Variants in SNX15 observed in about 807,000 individuals in gnomAD.
SNX15 encodes the protein sorting nexin-15.
In SNX15, 29 loss-of-function variants were observed where a neutral mutation model predicts 35.2. The ratio of observed to expected loss-of-function variants is 0.82; its 90% CI spans 0.61 to 1.12. SNX15 has a LOEUF of 1.12. Among genes scored for constraint, SNX15 ranks in the 50% most tolerant of loss-of-function variants. SNX15 has a pLI of 0.00. For synonymous variants in SNX15, 189 were observed against 188.2 expected (o/e 1.00, Z -0.03); for missense variants, 400 against 451.5 (o/e 0.89, Z 1.03).
In SNX15 at chr11:65,038,588, C is replaced by T; in HGVS notation, c.681C>T (p.Ser227=). 6.4e-7 allele frequency: 1 copy of T among 1,568,026 alleles called. No individual in the cohort carries two copies. The highest frequency in any genetic ancestry group is 8.6e-7 in the Non-Finnish European group (1 of 1,156,754). ...PFSKEEGAAP[S]PTHVAELATM... is the part of the protein sequence containing the mutation. ...TAACTGCAGAAGGCGCAGCCCCCAG[C>T]CCCACCCATGTGGCTGAGCTGGCAA... Residue 227 remains serine, a synonymous_variant, in exon 7 of 8, where the codon AGC becomes AGT. Coordinates refer to ENST00000377244, the MANE Select transcript of SNX15 (RefSeq NM_013306.5).
chr11:65,035,621 A>C lies in SNX15; in HGVS notation c.622A>C (p.Thr208Pro). The change falls in exon 6 of 8, where the codon ACC (threonine) becomes CCC (proline). Residue 208 changes from threonine to proline, a missense_variant. Physicochemically the swap from Thr to Pro is conservative, Grantham distance 38 (BLOSUM62 -1). Coordinates refer to ENST00000377244, the MANE Select transcript of SNX15 (RefSeq NM_013306.5). ...ASGSPARGPL[T>P]EAELALFDPF... Reference sequence around the variant, plus strand: ...TGGTTCCCCTGCCCGAGGCCCCCTCACCGAGGCTGAGCTTGCCCTCTTCGA... The same window carrying C: ...TGGTTCCCCTGCCCGAGGCCCCCTCCCCGAGGCTGAGCTTGCCCTCTTCGA... 1 of 1,613,700 alleles carries C rather than the reference A, an allele frequency of 6.2e-7. No homozygotes were observed. The highest frequency in any genetic ancestry group is 8.5e-7 in the Non-Finnish European group (1 of 1,179,776).
chr11:65,038,805 C>CAGGG lies in SNX15; in HGVS notation c.899_900insGGGA (p.His300GlnfsTer11). ...ACTCCAGGGCTATCGAGACGGCGTG[C>CAGGG]ACGTCTTGCTTCAGGGAGTCCCCAG... On this transcript the variant is annotated frameshift_variant, in exon 7 of 8. Transcript: ENST00000377244. LOFTEE classifies it high-confidence loss of function. The CAGGG allele has an allele frequency of 6.3e-7, 1 of 1,591,906 alleles. No homozygotes were observed. The highest frequency in any genetic ancestry group is 2.3e-5 in the East Asian group (1 of 44,242).
At chr11:65,028,750 G>A (rs1946404116) in intron 1 of SNX15, among the ~76,000 whole-genome samples, 1 of 151,548 alleles carries the variant, frequency 6.6e-6, no homozygotes, top group South Asian at 2.1e-4. Flanking sequence ...CTGGAGGTGG[G>A]GCTGGGGTGG....
At chr11:65,034,751 A>C in intron 3 of SNX15, 96 bp from the exon 4 acceptor site, 1 of 875,564 alleles carries the variant, frequency 1.1e-6, no homozygotes, top group Non-Finnish European at 1.8e-6. Context: ...TGAGTTGCTC[A>C]GAGCATCTCA....
intron 1 of SNX15, 122 bp downstream of exon 1, chr11:65,027,758 A>AG: frequency 1.4e-6 from 1 of 728,610 alleles, no homozygotes. Context: ...TTCCCCTTTA[A>AG]GGGGAGGTTG....
Position 65,032,446 on chromosome 11 carries a change from CG to C in SNX15, c.153del (p.Tyr52ThrfsTer41). On this transcript the variant is annotated frameshift_variant, in exon 3 of 8. Transcript: ENST00000377244. LOFTEE classifies it high-confidence loss of function. The stretch of plus-strand genomic sequence containing the variant: ...TACCTCATAGGTGGTGGTCTGGAAG[CG>C]GTACAGCGACTTCCGCAAGCTGCAT... The part of the protein sequence containing the change: ...EDVKEVVVWK[R>X]YSDFRKLHGD... 1 of 1,614,132 alleles carries C rather than the reference CG, an allele frequency of 6.2e-7. No individual in the cohort carries two copies.
At chr11:65,032,602 A>G (rs777548079) in intron 3 of SNX15, 51 bp downstream of exon 3, 1 of 1,610,636 alleles carries the variant, frequency 6.2e-7, no homozygotes, top group Admixed American at 1.7e-5. Flanking sequence ...AGCATTGGGC[A>G]AAAGGGGACC....
chr11:65,029,910 G>A (rs960650914), intron 1 of SNX15, among the ~76,000 whole-genome samples: 5 of 151,964 alleles, frequency 3.3e-5, no homozygotes, highest in South Asian at 2.1e-4. Flanking sequence ...TATTTGCGAC[G>A]GGGTCTTGCT....
intron 7 of SNX15, among the ~76,000 whole-genome samples, chr11:65,039,455 C>T (rs923324537): frequency 6.6e-6 from 1 of 152,132 alleles, no homozygotes; most frequent in African/African-American, 2.4e-5. Context: ...AACCCCTGAC[C>T]TCGTGATCCA....
At chr11:65,027,785 T>A (rs1432723617) in intron 1 of SNX15, 149 bp downstream of exon 1, 1 of 626,328 alleles carries the variant, frequency 1.6e-6, no homozygotes, top group Non-Finnish European at 2.9e-6. Flanking sequence ...GAGGCTTAGT[T>A]TACATCTTTA....
At chr11:65,027,974 T>G (rs1415200783) in intron 1 of SNX15, among the ~76,000 whole-genome samples, 1 of 152,222 alleles carries the variant, frequency 6.6e-6, no homozygotes, top group Non-Finnish European at 1.5e-5. Flanking sequence ...AGTACTCCAT[T>G]CTCGTAGAGT....
rs190656204 is a variant in SNX15, at chr11:65,032,099, G to A, written c.100-69G>A. On this transcript the variant is annotated intron_variant, in intron 1 of 7. Coordinates refer to ENST00000377244, the MANE Select transcript of SNX15 (RefSeq NM_013306.5). ...TGAGGGGGACTAGGAGGCACCTGGG[G>A]CATTACAGGGTGAGAGGGTGTCAGA... The A allele has an allele frequency of 2.0e-6, 3 of 1,503,856 alleles. No individual in the cohort carries two copies. In the East Asian group the frequency reaches 6.8e-5, roughly 34 times the overall value. 93.2% of individuals were successfully genotyped at this position (1,503,856 alleles called of 1,614,324 possible).
chr11:65,031,790 G>A (rs970461875), intron 1 of SNX15, among the ~76,000 whole-genome samples: 1 of 152,126 alleles, frequency 6.6e-6, no homozygotes, highest in African/African-American at 2.4e-5. Flanking sequence ...GTAGCTTCTT[G>A]GGAGGCTGAG....
In SNX15 at chr11:65,040,204, T is replaced by C. The variant is rs1946566045; in HGVS notation, c.*412T>C. The stretch of plus-strand genomic sequence containing the variant: ...TTTCAGTAGGGACGGGGTTACACCA[T>C]GTTGGCCAGGCTGGTCTCGAACTCC... On this transcript the variant is annotated 3_prime_UTR_variant, in exon 8 of 8. Coordinates refer to ENST00000377244, the MANE Select transcript of SNX15 (RefSeq NM_013306.5). 6.1e-6 allele frequency: 1 copy of C among 164,496 alleles called. No individual in the cohort carries two copies. Among genetic ancestry groups the C allele is most frequent in the South Asian group, 1.4e-4 (1 of 7,102 alleles). 10.2% of individuals were successfully genotyped at this position (164,496 alleles called of 1,614,324 possible). A position where few individuals can be genotyped will look rare whatever the true frequency, so the allele number is the denominator to read the frequency against.
Position 65,035,166 on chromosome 11 carries a change from C to T in SNX15, c.480C>T (p.Leu160=). The T allele has an allele frequency of 1.3e-6, 2 of 1,590,474 alleles. No homozygotes were observed. Among genetic ancestry groups the T allele is most frequent in the Non-Finnish European group, 1.7e-6 (2 of 1,170,414 alleles). Residue 160 remains leucine (L), a synonymous_variant, in exon 5 of 8, where the codon CTC becomes CTT. Coordinates refer to ENST00000377244, the MANE Select transcript of SNX15 (RefSeq NM_013306.5). The part of the protein sequence containing the change: ...PPDDPRLSQL[L]PAERRGLEEL... ...ATGACCCCCGGCTATCCCAACTGCT[C>T]CCTGCAGAAAGGAGGGGCCTCGAGG...
In SNX15 at chr11:65,039,795, G is replaced by C. The variant is rs1946559066; in HGVS notation, c.*3G>C. On this transcript the variant is annotated 3_prime_UTR_variant, in exon 8 of 8. Transcript: ENST00000377244. ...ACCTGTCTCAACTCCCACCCTAACA[G>C]GGAGTGGGCCATTCCCTGGGACTCT... The C allele has an allele frequency of 6.2e-7, 1 of 1,601,164 alleles. No homozygotes were observed. The highest frequency in any genetic ancestry group is 1.7e-5 in the Admixed American group (1 of 59,256).
At chr11:65,029,142 C>T (rs1946410274) in intron 1 of SNX15, among the ~76,000 whole-genome samples, 1 of 145,032 alleles carries the variant, frequency 6.9e-6, no homozygotes, top group South Asian at 2.4e-4. Context: ...TAAGTCTTCC[C>T]AGTGGCTTTT....
At chr11:65,035,032 C>T in intron 4 of SNX15, 27 bp from the exon 5 acceptor site, 1 of 1,613,842 alleles carries the variant, frequency 6.2e-7, no homozygotes, top group Non-Finnish European at 8.5e-7. Context: ...CCCATGACTC[C>T]CCATGTCTGA....
At position 65,032,515 on chromosome 11, in the gene SNX15, G is replaced by A. The variant is rs138295118; in HGVS notation, c.220G>A (p.Glu74Lys). The A allele has an allele frequency of 4.3e-6, 7 of 1,613,998 alleles. No homozygotes were observed. The highest frequency in any genetic ancestry group is 2.2e-5 in the South Asian group (2 of 91,092). Reference protein sequence around the residue: ...YTHRNLFRRLEEFPAFPRAQV... With the variant: ...YTHRNLFRRLKEFPAFPRAQV... ...CCACCGCAACCTCTTCCGCCGCCTC[G>A]AGGAGTTCCCTGCTTTCCCCCGGGC... Residue 74 changes from glutamate (E) to lysine (K), a missense_variant, in exon 3 of 8, where the codon GAG becomes AAG. Coordinates refer to ENST00000377244, the MANE Select transcript of SNX15 (RefSeq NM_013306.5).
Sources: allele counts gnomAD v4.1 joint callset (sites outside exome capture counted in the v4.1 genomes callset), GRCh38; gene constraint gnomAD v4.1.1; transcripts MANE v1.5; gene names NCBI Gene and HGNC (gene_info 2026-07-23, HGNC 2026-07-21).